The following PKP2 variants were observed in gnomAD, a reference collection of about 807,000 sequenced individuals.
PKP2 encodes the protein plakophilin 2.
In PKP2, 73 loss-of-function variants were observed where a neutral mutation model predicts 83.4. The ratio of observed to expected loss-of-function variants is 0.88; its 90% CI spans 0.72 to 1.06. PKP2 has a LOEUF of 1.06. Ranked by LOEUF, PKP2 falls within the 50% of genes least tolerant of loss-of-function variation. The pLI is 0.00. For missense variants in PKP2, 966 were observed against 1,065.4 expected, an observed-to-expected ratio of 0.91 and a Z score of 1.30; for synonymous variants, 409 against 430.4, an observed-to-expected ratio of 0.95 and a Z score of 0.62.
At chr12:32,857,787 A>G (rs1956762411) in intron 4 of PKP2, among the ~76,000 whole-genome samples, 1 of 151,984 alleles carries the variant, frequency 6.6e-6, no homozygotes, top group Non-Finnish European at 1.5e-5. Flanking sequence ...AACAACTTCA[A>G]TCCTATGTAT....
chr12:32,896,491 G>A lies in PKP2; in HGVS notation c.223+18C>T, dbSNP rs760382954. ...GTGGGGCAGGGGGCGGCGCCGGGGA[G>A]CGGCGGGCTCCACTCACCGTTGCCC... On this transcript the variant is annotated intron_variant, in intron 1 of 12. Coordinates refer to ENST00000340811, the MANE Select transcript of PKP2 (RefSeq NM_001005242.3). 1.4e-6 allele frequency: 2 copies of A among 1,458,960 alleles called. No individual in the cohort carries two copies. Among genetic ancestry groups the A allele is most frequent in the Admixed American group, 2.1e-5 (1 of 46,586 alleles). The allele number at this position is 1,458,960 out of a possible 1,614,324, so 90.4% of individuals were successfully genotyped here.
chr12:32,857,028 G>T (rs1378588822), intron 4 of PKP2, among the ~76,000 whole-genome samples: 1 of 152,226 alleles, frequency 6.6e-6, no homozygotes, highest in Non-Finnish European at 1.5e-5. Context: ...AACTCAGCTA[G>T]CAGTGACTCT....
intron 6 of PKP2, among the ~76,000 whole-genome samples, chr12:32,827,966 G>T (rs557784190): frequency 6.6e-6 from 1 of 152,340 alleles, no homozygotes; most frequent in Admixed American, 6.5e-5. Flanking sequence ...GTCCTTAGGG[G>T]TTGAAGGCAA....
chr12:32,883,644 T>C (rs1489271444), intron 1 of PKP2, among the ~76,000 whole-genome samples: 1 of 152,176 alleles, frequency 6.6e-6, no homozygotes, highest in African/African-American at 2.4e-5. Context: ...TTCAAAGGAT[T>C]TGTTTATTTC....
At chr12:32,793,655 G>A (rs1041011930) in intron 11 of PKP2, among the ~76,000 whole-genome samples, 2 of 138,482 alleles carry the variant, frequency 1.4e-5, no homozygotes, top group Non-Finnish European at 1.5e-5. Flanking sequence ...GAGTGCAGTG[G>A]AGCGATCTCG....
chr12:32,861,142 T>A (rs1956794504), intron 4 of PKP2, among the ~76,000 whole-genome samples: 1 of 152,034 alleles, frequency 6.6e-6, no homozygotes, highest in South Asian at 2.1e-4. Context: ...ATATCCAGCA[T>A]CCAACAAGAT....
At chr12:32,830,456 C>A (rs1282499997) in intron 6 of PKP2, among the ~76,000 whole-genome samples, 2 of 152,216 alleles carry the variant, frequency 1.3e-5, no homozygotes, top group South Asian at 2.1e-4. Flanking sequence ...GCTGTTCATT[C>A]TGCAAATAGA....
At chr12:32,829,983 ATC>A (rs1315439781) in intron 6 of PKP2, among the ~76,000 whole-genome samples, 2 of 152,100 alleles carry the variant, frequency 1.3e-5, no homozygotes, top group African/African-American at 4.8e-5. Flanking sequence ...TGAAGTTCTA[ATC>A]AGCACTCTGA....
In PKP2 at chr12:32,878,501, T is replaced by C; in HGVS notation, c.379A>G (p.Thr127Ala). Residue 127 changes from threonine (T) to alanine (A), a missense_variant, in exon 3 of 13, where the codon ACA becomes GCA. By Grantham distance (58) the Thr-to-Ala change is moderately conservative. Transcript: ENST00000340811. ...ATYEGRWGRG[T>A]AQYSSQKSVE... ...GACTTCTGGGAGCTGTACTGTGCTGTTCCTCTTCCCCAGCGACCTTCATAA... is the reference window on the plus strand; with the variant it reads ...GACTTCTGGGAGCTGTACTGTGCTGCTCCTCTTCCCCAGCGACCTTCATAA... 1 of 1,612,900 alleles carries C rather than the reference T, an allele frequency of 6.2e-7. No homozygotes were observed. The highest frequency in any genetic ancestry group is 8.5e-7 in the Non-Finnish European group (1 of 1,179,420).
chr12:32,845,981 G>T (rs1227573786), intron 5 of PKP2, among the ~76,000 whole-genome samples: 1 of 152,104 alleles, frequency 6.6e-6, no homozygotes, highest in African/African-American at 2.4e-5. Flanking sequence ...ATTACTTAAA[G>T]AAAGTGCATA....
At chr12:32,876,579 A>G (rs1956934224) in intron 3 of PKP2, among the ~76,000 whole-genome samples, 1 of 151,794 alleles carries the variant, frequency 6.6e-6, no homozygotes, top group South Asian at 2.1e-4. Flanking sequence ...CCCAGGCTGG[A>G]GTGCAGTGGC....
chr12:32,856,000 A>T (rs955750809), intron 4 of PKP2, among the ~76,000 whole-genome samples: 3 of 152,116 alleles, frequency 2.0e-5, no homozygotes, highest in African/African-American at 7.2e-5. Context: ...TACATATGCA[A>T]TTTGATTGAA....
At chr12:32,886,824 T>A (rs1957034701) in intron 1 of PKP2, among the ~76,000 whole-genome samples, 1 of 151,978 alleles carries the variant, frequency 6.6e-6, no homozygotes, top group African/African-American at 2.4e-5. Flanking sequence ...AGATCTCGTC[T>A]CTACAAAATT....
Position 32,815,673 on chromosome 12 carries a change from T to G in PKP2, c.2013+5683A>C, listed in dbSNP as rs185421147. On this transcript the variant is annotated intron_variant, in intron 9 of 12. Coordinates refer to ENST00000340811, the MANE Select transcript of PKP2 (RefSeq NM_001005242.3). Reference sequence around the variant, plus strand: ...TCTTGAGAACTAAAATCTCGCTTTATAGATACATCATACTATACTATTTAA... The same window carrying G: ...TCTTGAGAACTAAAATCTCGCTTTAGAGATACATCATACTATACTATTTAA... Among the ~76,000 whole-genome samples the G allele has an allele frequency of 2.0e-5, 3 of 152,354 alleles. No individual in the cohort carries two copies. The East Asian group carries it at 5.8e-4, about 29-fold the overall frequency.
chr12:32,805,970 C>A (rs1197861972), intron 9 of PKP2, among the ~76,000 whole-genome samples: 1 of 152,128 alleles, frequency 6.6e-6, no homozygotes, highest in African/African-American at 2.4e-5. Flanking sequence ...CTATTGAGAT[C>A]ATGTGGTTTT....
rs1040585677 is a variant in PKP2 at position 32,878,288 on chromosome 12, C to T, written c.592G>A (p.Glu198Lys). The change falls in exon 3 of 13, where the codon GAG becomes AAG. Residue 198 changes from glutamate (E) to lysine (K), a missense_variant. Glu to Lys is a moderately conservative substitution (Grantham distance 56). Transcript: ENST00000340811. ...LLVPPRYARSEIVGVSRAGTT... is the reference protein window; with the variant it reads ...LLVPPRYARSKIVGVSRAGTT... ...CCAGCACGGCTGACCCCCACGATCT[C>T]GGAACGAGCATATCTCGGTGGCACT... is the stretch of plus-strand genomic sequence containing the variant. 7 of 1,613,618 alleles carry T rather than the reference C, an allele frequency of 4.3e-6. No homozygotes were observed. Among genetic ancestry groups the T allele is most frequent in the East Asian group, 2.2e-5 (1 of 44,856 alleles).
Position 32,837,952 on chromosome 12 carries a change from T to TA in PKP2, c.1556+3075dup, listed in dbSNP as rs1401771414. On this transcript the variant is annotated intron_variant, in intron 6 of 12. Transcript: ENST00000340811. ...TTTCTCAAAGAACTGAAAATAGAAT[T>TA]ACCATTCAATCCAGCAATCCCATTA... 3.9e-5 allele frequency among the ~76,000 whole-genome samples: 6 copies of TA among 152,170 alleles called. No homozygotes were observed. The East Asian group carries it at 9.6e-4, about 24-fold the overall frequency.
intron 6 of PKP2, among the ~76,000 whole-genome samples, chr12:32,825,284 T>C (rs1956426951): frequency 1.4e-5 from 2 of 147,426 alleles, no homozygotes; most frequent in African/African-American, 5.0e-5. Context: ...TTCTCCTGCC[T>C]CAGCCTCCCG....
At chr12:32,880,314 C>T (rs541694224) in intron 1 of PKP2, among the ~76,000 whole-genome samples, 11 of 151,906 alleles carry the variant, frequency 7.2e-5, no homozygotes, top group Admixed American at 2.6e-4. Flanking sequence ...GCAGGAGAAT[C>T]GCTTGAACCC....
Sources: allele counts gnomAD v4.1 joint callset (sites outside exome capture counted in the v4.1 genomes callset), GRCh38; gene constraint gnomAD v4.1.1; transcripts MANE v1.5; gene names NCBI Gene and HGNC (gene_info 2026-07-23, HGNC 2026-07-21).